TSHZ1: variants seen among roughly 807,000 people sequenced by gnomAD.
TSHZ1 encodes teashirt zinc finger homeobox 1.
Under a neutral mutation model 67.1 loss-of-function variants are expected in TSHZ1, and 12 were observed. That is an observed-to-expected ratio of 0.18 (90% CI 0.11 to 0.29). TSHZ1 has a LOEUF of 0.29. Ranked by LOEUF, TSHZ1 falls within the 10% of genes least tolerant of loss-of-function variation. The pLI is 1.00. For missense variants in TSHZ1, 1,305 were observed against 1,413.9 expected, an observed-to-expected ratio of 0.92 and a Z score of 1.23; for synonymous variants, 632 against 622.4, an observed-to-expected ratio of 1.02 and a Z score of -0.23.
At chr18:75,218,770 G>A (rs1039878689) in intron 1 of TSHZ1, among the ~76,000 whole-genome samples, 1 of 152,230 alleles carries the variant, frequency 6.6e-6, no homozygotes, top group Non-Finnish European at 1.5e-5. Context: ...CAAGGCTCAA[G>A]TTCACAATGG....
chr18:75,259,897 G>A (rs571066810), intron 1 of TSHZ1, among the ~76,000 whole-genome samples: 14 of 152,258 alleles, frequency 9.2e-5, no homozygotes, highest in East Asian at 7.7e-4. Flanking sequence ...AAGAGTATGC[G>A]TACTTTTAAT....
At chr18:75,269,132 C>G (rs1160385331) in intron 1 of TSHZ1, among the ~76,000 whole-genome samples, 1 of 152,198 alleles carries the variant, frequency 6.6e-6, no homozygotes, top group African/African-American at 2.4e-5. Flanking sequence ...TATTTCTGCT[C>G]TAATACAGCA....
chr18:75,216,766 A>T (rs1207512707), intron 1 of TSHZ1, among the ~76,000 whole-genome samples: 1 of 152,028 alleles, frequency 6.6e-6, no homozygotes, highest in Non-Finnish European at 1.5e-5. Context: ...GGTGCCCACC[A>T]GTGAGGCTTA....
chr18:75,223,356 A>G (rs1305310795), intron 1 of TSHZ1, among the ~76,000 whole-genome samples: 2 of 152,272 alleles, frequency 1.3e-5, no homozygotes, highest in South Asian at 2.1e-4. Context: ...TTAATGGGTA[A>G]TAATTACATC....
intron 1 of TSHZ1, among the ~76,000 whole-genome samples, chr18:75,228,249 C>T (rs140926364): frequency 1.3e-5 from 2 of 152,260 alleles, no homozygotes; most frequent in East Asian, 1.9e-4. Context: ...GGGTTCCACC[C>T]GGGAAGGCAT....
Position 75,285,961 on chromosome 18 carries a change from A to G in TSHZ1, c.554A>G (p.His185Arg). 1.3e-6 allele frequency: 2 copies of G among 1,517,604 alleles called. No individual in the cohort carries two copies. The highest frequency in any genetic ancestry group is 1.8e-6 in the Non-Finnish European group (2 of 1,126,260). The allele number at this position is 1,517,604 out of a possible 1,614,324, so 94.0% of individuals were successfully genotyped here. ...ACCAGCTGCAGCTCCAGCACCAGCC[A>G]CAGCAGTACCACCAGTACCAGCAGC... ...PSTSCSSSTS[H>R]SSTTSTSSSS... Residue 185 changes from histidine to arginine, a missense_variant, in exon 2 of 2, where the codon CAC becomes CGC. Transcript: ENST00000580243.
intron 1 of TSHZ1, chr18:75,221,271 G>A (rs776420409): frequency 2.0e-5 from 3 of 152,204 alleles, no homozygotes; most frequent in Non-Finnish European, 4.4e-5. Flanking sequence ...AGGCTGACTC[G>A]AGTTTTAGAA....
In TSHZ1 at chr18:75,286,972, A is replaced by G. The variant is rs1207438508; in HGVS notation, c.1565A>G (p.Asp522Gly). The change falls in exon 2 of 2, where the codon GAC (aspartate) becomes GGC (glycine). Residue 522 changes from aspartate to glycine, a missense_variant. Physicochemically the swap from Asp to Gly is moderately conservative, Grantham distance 94. Transcript: ENST00000580243. This position sits in a 1 kb window ranked among gnomAD's most constrained non-coding sequence, Gnocchi z 5.1. Reference protein sequence around the residue: ...DAEKIKEESEDSLEKFEPSTL... With the variant: ...DAEKIKEESEGSLEKFEPSTL... ...GAGAAGATCAAGGAGGAGAGTGAGG[A>G]CAGCTTGGAGAAATTTGAGCCCAGC... 6.2e-7 allele frequency: 1 copy of G among 1,614,022 alleles called. No individual in the cohort carries two copies. Among genetic ancestry groups the G allele is most frequent in the Non-Finnish European group, 8.5e-7 (1 of 1,180,046 alleles).
intron 1 of TSHZ1, among the ~76,000 whole-genome samples, chr18:75,250,122 C>T (rs1385779550): frequency 6.7e-6 from 1 of 150,154 alleles, no homozygotes; most frequent in Non-Finnish European, 1.5e-5. Flanking sequence ...ATGACCTCCC[C>T]GTCTGACCCC....
chr18:75,285,845 C>G lies in TSHZ1; in HGVS notation c.438C>G (p.Asn146Lys). 2 of 1,613,470 alleles carry G rather than the reference C, an allele frequency of 1.2e-6. No homozygotes were observed. The highest frequency in any genetic ancestry group is 2.2e-5 in the East Asian group (1 of 44,846). Residue 146 changes from asparagine to lysine, a missense_variant, in exon 2 of 2, where the codon AAC becomes AAG. Asn to Lys is a moderately conservative substitution (Grantham distance 94, BLOSUM62 0). Transcript: ENST00000580243. ...LKKSGSTTST[N>K]DASQKESSAP... The stretch of plus-strand genomic sequence containing the variant: ...AGTCGGGTTCCACCACCAGCACCAA[C>G]GATGCCAGCCAGAAGGAGAGCTCCG...
intron 1 of TSHZ1, among the ~76,000 whole-genome samples, chr18:75,232,174 A>G (rs1379830205): frequency 6.6e-6 from 1 of 152,086 alleles, no homozygotes; most frequent in Non-Finnish European, 1.5e-5. Context: ...CAGCCTCCCA[A>G]AGTGCTGGGA....
rs554971588 is a variant in TSHZ1, at chr18:75,280,276, T to A, written c.41-5172T>A. Among the ~76,000 whole-genome samples the A allele has an allele frequency of 3.3e-5, 5 of 152,384 alleles. No individual in the cohort carries two copies. The South Asian group carries it at 1.0e-3, about 32-fold the overall frequency. The stretch of plus-strand genomic sequence containing the variant: ...GGACATCTTTGTGCATGAAGCTTTT[T>A]CTGCATTTCATATTAACTTCTTAGG... On this transcript the variant is annotated intron_variant, in intron 1 of 1. Coordinates refer to ENST00000580243, the MANE Select transcript of TSHZ1 (RefSeq NM_001308210.2).
At chr18:75,217,402 G>T (rs1002570444) in intron 1 of TSHZ1, among the ~76,000 whole-genome samples, 7 of 151,362 alleles carry the variant, frequency 4.6e-5, no homozygotes, top group Non-Finnish European at 1.5e-5. Context: ...TCTACTTTCT[G>T]TTTTTTATTT....
intron 1 of TSHZ1, among the ~76,000 whole-genome samples, chr18:75,214,714 G>T (rs2022744037): frequency 1.3e-5 from 2 of 152,056 alleles, no homozygotes; most frequent in Admixed American, 1.3e-4. Flanking sequence ...TCCTCCTTAT[G>T]TAAAAAAAAT....
intron 1 of TSHZ1, among the ~76,000 whole-genome samples, chr18:75,212,743 C>T (rs933769563): frequency 6.6e-6 from 1 of 152,204 alleles, no homozygotes; most frequent in Non-Finnish European, 1.5e-5. Context: ...AATTTTGTCT[C>T]AGAAGTTTTA....
intron 1 of TSHZ1, among the ~76,000 whole-genome samples, chr18:75,262,333 T>A (rs935928281): frequency 1.8e-4 from 27 of 152,356 alleles, no homozygotes; most frequent in African/African-American, 6.3e-4. Context: ...TGTGTTGTAC[T>A]ACATGACACT....
At position 75,212,247 on chromosome 18, in the gene TSHZ1, C is replaced by T. The variant is rs189865971; in HGVS notation, c.40+331C>T. 2.9e-3 allele frequency among the ~76,000 whole-genome samples: 449 copies of T among 152,276 alleles called. 2 individuals carry two copies. Among genetic ancestry groups the T allele is most frequent in the African/African-American group, 0.01 (429 of 41,560 alleles). ...CGTGCGCTGAGGGGAAGTAGTTGCT[C>T]CTTGGCTGCCGGAGCGCACTGGAAA... On this transcript the variant is annotated intron_variant, in intron 1 of 1. Coordinates refer to ENST00000580243, the MANE Select transcript of TSHZ1 (RefSeq NM_001308210.2).
rs750138551 is a variant in TSHZ1, at chr18:75,285,830, C to T, written c.423C>T (p.Ser141=). 1.8e-5 allele frequency: 29 copies of T among 1,613,794 alleles called. No homozygotes were observed. The highest frequency in any genetic ancestry group is 1.8e-5 in the Non-Finnish European group (21 of 1,180,010). ...CTCTGGATTTAAAGAAGTCGGGTTC[C>T]ACCACCAGCACCAACGATGCCAGCC... ...SLALDLKKSG[S]TTSTNDASQK... The change falls in exon 2 of 2, where the codon TCC becomes TCT. Residue 141 remains serine, a synonymous_variant. Coordinates refer to ENST00000580243, the MANE Select transcript of TSHZ1 (RefSeq NM_001308210.2).
chr18:75,273,769 C>T (rs1477771319), intron 1 of TSHZ1, among the ~76,000 whole-genome samples: 2 of 152,154 alleles, frequency 1.3e-5, no homozygotes, highest in African/African-American at 4.8e-5. Flanking sequence ...CACACATTGG[C>T]ATCCAGAAGG....
Sources: gnomAD v4.1 joint callset for allele counts (sites outside exome capture counted in the v4.1 genomes callset) on GRCh38, gnomAD v4.1.1 for gene constraint, Gnocchi (gnomAD v3.1) non-coding constraint, MANE v1.5 for transcripts, NCBI Gene and HGNC (gene_info 2026-07-23, HGNC 2026-07-21) for gene names.